The following NRXN1 variants were observed in gnomAD, a reference collection of about 807,000 sequenced individuals.
NRXN1 encodes neurexin 1.
Under a neutral mutation model 150.9 loss-of-function variants are expected in NRXN1, and 39 were observed. The observed-to-expected ratio is 0.26, with a 90% confidence interval of 0.20 to 0.34. NRXN1 has a LOEUF of 0.34. Among genes scored for constraint, NRXN1 ranks in the 10% least tolerant of loss-of-function variants. NRXN1 has a pLI of 1.00. For synonymous variants in NRXN1, 924 were observed against 757.0 expected (o/e 1.22, Z -3.62); for missense variants, 1,815 against 1,949.9 (o/e 0.93, Z 1.30).
intron 21 of NRXN1, among the ~76,000 whole-genome samples, chr2:49,960,839 C>T (rs995863895): frequency 1.3e-5 from 2 of 152,160 alleles, no homozygotes; most frequent in Non-Finnish European, 2.9e-5. Context: ...TGAACTCATG[C>T]TTCATTGACA....
chr2:51,021,133 C>T (rs1435428736), intron 2 of NRXN1, among the ~76,000 whole-genome samples: 4 of 151,908 alleles, frequency 2.6e-5, no homozygotes, highest in African/African-American at 9.7e-5. Flanking sequence ...TTTTTGCATA[C>T]TGTTTTTTAA....
In NRXN1 at chr2:50,346,789, A is replaced by C; in HGVS notation, c.3365-109819T>G. On this transcript the variant is annotated intron_variant, in intron 17 of 22. Transcript: ENST00000401669. This position sits in a 1 kb window ranked among gnomAD's most constrained non-coding sequence, Gnocchi z 5.0. ...GAAATGGTGGATGTGGTGCGCTCCC[A>C]AACTGGATGCCCCCCACGCCACTCC... is the stretch of plus-strand genomic sequence containing the variant. 1 of 1,613,536 alleles carries C rather than the reference A, an allele frequency of 6.2e-7. No individual in the cohort carries two copies. Among genetic ancestry groups the C allele is most frequent in the East Asian group, 2.2e-5 (1 of 44,808 alleles).
intron 18 of NRXN1, among the ~76,000 whole-genome samples, chr2:50,108,631 G>C (rs1701982752): frequency 6.6e-6 from 1 of 152,070 alleles, no homozygotes; most frequent in Non-Finnish European, 1.5e-5. Flanking sequence ...TATTTGTTAA[G>C]TTCACTATGC....
chr2:50,991,805 C>A (rs1330024797), intron 2 of NRXN1, among the ~76,000 whole-genome samples: 1 of 151,976 alleles, frequency 6.6e-6, no homozygotes, highest in African/African-American at 2.4e-5. Context: ...TATTAAAAGG[C>A]AACGATGCAA....
At chr2:50,153,691 C>CA (rs886820701) in intron 18 of NRXN1, among the ~76,000 whole-genome samples, 2 of 150,962 alleles carry the variant, frequency 1.3e-5, no homozygotes, top group African/African-American at 2.4e-5. Flanking sequence ...TTTCTGGCTC[C>CA]AAAAAAAGAA....
chr2:50,352,765 A>AAT (rs1287688996), intron 17 of NRXN1, among the ~76,000 whole-genome samples: 1 of 120,612 alleles, frequency 8.3e-6, no homozygotes. Context: ...TAATAATAAT[A>AAT]ATAATAATAA....
chr2:50,551,631 T>G (rs1412138462), intron 9 of NRXN1, among the ~76,000 whole-genome samples: 2 of 152,154 alleles, frequency 1.3e-5, no homozygotes, highest in East Asian at 3.9e-4. Flanking sequence ...TAAATTTAGT[T>G]ATCTTCTATT....
chr2:50,546,987 A>T (rs1158310695), intron 9 of NRXN1, among the ~76,000 whole-genome samples: 2 of 152,306 alleles, frequency 1.3e-5, no homozygotes, highest in East Asian at 3.9e-4. Flanking sequence ...GTGGTGATTC[A>T]TGAATGGTGT....
intron 18 of NRXN1, among the ~76,000 whole-genome samples, chr2:50,163,076 G>C (rs965817862): frequency 2.0e-5 from 3 of 150,310 alleles, no homozygotes; most frequent in Non-Finnish European, 4.4e-5. Context: ...ATATTAATTT[G>C]AGTTGAAAAT....
intron 18 of NRXN1, among the ~76,000 whole-genome samples, chr2:50,214,100 C>T (rs1011995365): frequency 2.0e-5 from 3 of 151,864 alleles, no homozygotes; most frequent in Non-Finnish European, 2.9e-5. Flanking sequence ...GGATTTGATA[C>T]TTCATTCTAG....
chr2:50,156,138 C>T (rs2059006345), intron 18 of NRXN1, among the ~76,000 whole-genome samples: 1 of 151,406 alleles, frequency 6.6e-6, no homozygotes, highest in Admixed American at 6.6e-5. Flanking sequence ...ATACATATTA[C>T]TTTTGGAATA....
At chr2:50,791,314 C>CAAA (rs60728323) in intron 5 of NRXN1, among the ~76,000 whole-genome samples, 38,322 of 111,216 alleles carry the variant, frequency 0.34, 6,319 homozygotes, top group Non-Finnish European at 0.37. Context: ...CTGCTTGCTA[C>CAAA]AAAAAAAAAA....
intron 5 of NRXN1, among the ~76,000 whole-genome samples, chr2:50,724,057 A>C (rs1438164310): frequency 6.6e-6 from 1 of 152,222 alleles, no homozygotes; most frequent in East Asian, 1.9e-4. Flanking sequence ...TACAAGATCC[A>C]TTGTGATGAT....
chr2:50,373,212 T>C (rs536869472), intron 17 of NRXN1, among the ~76,000 whole-genome samples: 20 of 151,426 alleles, frequency 1.3e-4, no homozygotes, highest in African/African-American at 3.9e-4. Context: ...CAAGGAGGAG[T>C]TAATATAATT....
At chr2:50,896,501 G>T (rs547170195) in intron 5 of NRXN1, among the ~76,000 whole-genome samples, 6 of 152,262 alleles carry the variant, frequency 3.9e-5, no homozygotes, top group Non-Finnish European at 7.4e-5. Context: ...ACAAGTAAAA[G>T]GGATTGGGAG....
At chr2:50,131,099 G>C (rs116215509) in intron 18 of NRXN1, among the ~76,000 whole-genome samples, 2,176 of 152,270 alleles carry the variant, frequency 0.014, 51 homozygotes, top group African/African-American at 0.05. Context: ...AGGACTCTCA[G>C]ATTATTAGGA....
intron 19 of NRXN1, among the ~76,000 whole-genome samples, chr2:50,088,724 A>T (rs1699150374): frequency 6.6e-6 from 1 of 152,214 alleles, no homozygotes; most frequent in Non-Finnish European, 1.5e-5. Flanking sequence ...ATATGTGTTA[A>T]ACAAATATTA....
intron 5 of NRXN1, among the ~76,000 whole-genome samples, chr2:50,791,514 C>T (rs1052747605): frequency 2.0e-5 from 3 of 152,036 alleles, no homozygotes; most frequent in African/African-American, 4.8e-5. Context: ...CCAGAATCTC[C>T]TCTTGCTTTG....
At chr2:50,649,251 T>TACACAC (rs200495160) in intron 5 of NRXN1, among the ~76,000 whole-genome samples, 4 of 79,552 alleles carry the variant, frequency 5.0e-5, no homozygotes, top group African/African-American at 1.8e-4. Context: ...TATACACACA[T>TACACAC]ACACACATAC....
Sources: allele counts gnomAD v4.1 joint callset (sites outside exome capture counted in the v4.1 genomes callset), GRCh38; gene constraint gnomAD v4.1.1; non-coding constraint Gnocchi (gnomAD v3.1); transcripts MANE v1.5; gene names NCBI Gene and HGNC (gene_info 2026-07-23, HGNC 2026-07-21).